Variants in IFNG-AS1 observed in about 807,000 individuals in gnomAD.
The protein encoded by IFNG-AS1 is IFNG regulatory antisense RNA 1.
At chr12:68,007,702 A>G (rs571483894) in intron 3 of IFNG-AS1, among the ~76,000 whole-genome samples, 16 of 152,350 alleles carry the variant, frequency 1.1e-4, no homozygotes, top group African/African-American at 3.8e-4. Flanking sequence ...GGAATTGCAC[A>G]ATGCAAAACC....
chr12:68,003,637 G>C (rs1446307179), intron 2 of IFNG-AS1, among the ~76,000 whole-genome samples: 1 of 152,054 alleles, frequency 6.6e-6, no homozygotes, highest in African/African-American at 2.4e-5. Context: ...GTATTAGGCC[G>C]GGCGTGGTGG....
intron 3 of IFNG-AS1, among the ~76,000 whole-genome samples, chr12:68,015,295 C>T (rs535794224): frequency 6.6e-6 from 1 of 152,276 alleles, no homozygotes; most frequent in South Asian, 2.1e-4. Flanking sequence ...TCACATGCTT[C>T]TCCATAATAA....
intron 3 of IFNG-AS1, among the ~76,000 whole-genome samples, chr12:68,009,713 A>C (rs1054014162): frequency 6.6e-6 from 1 of 152,166 alleles, no homozygotes; most frequent in African/African-American, 2.4e-5. Context: ...GTTCCTGGGC[A>C]ACTGGGCAGC....
chr12:68,021,096 C>G (rs1880277421), intron 4 of IFNG-AS1: 1 of 152,104 alleles, frequency 6.6e-6, no homozygotes, highest in Admixed American at 6.6e-5. Context: ...TACTGATCAT[C>G]CTCAGCAATC....
intron 2 of IFNG-AS1, among the ~76,000 whole-genome samples, chr12:68,000,449 C>T (rs1879741975): frequency 6.6e-6 from 1 of 152,090 alleles, no homozygotes; most frequent in African/African-American, 2.4e-5. Flanking sequence ...TGGAGAATAG[C>T]TTGAGGCCAG....
chr12:68,020,301 G>C (rs144679500), intron 4 of IFNG-AS1: 1 of 152,190 alleles, frequency 6.6e-6, no homozygotes, highest in Non-Finnish European at 1.5e-5. Context: ...AAAGGAAAGT[G>C]TATAATCAGG....
At chr12:67,992,789 G>T (rs1373676794) in intron 1 of IFNG-AS1, among the ~76,000 whole-genome samples, 1 of 152,166 alleles carries the variant, frequency 6.6e-6, no homozygotes, top group Non-Finnish European at 1.5e-5. Flanking sequence ...CTCAAAGCAA[G>T]TGTTGACTTT....
At chr12:68,013,262 C>T (rs186584634) in intron 3 of IFNG-AS1, among the ~76,000 whole-genome samples, 1 of 152,306 alleles carries the variant, frequency 6.6e-6, no homozygotes, top group Admixed American at 6.5e-5. Flanking sequence ...GGAAACAACC[C>T]TAGCCCCACT....
rs1178732030 is a variant in IFNG-AS1 at position 67,993,285 on chromosome 12, A to T, written n.52-2656A>T. Among the ~76,000 whole-genome samples, 4 of 152,224 alleles carry T rather than the reference A, an allele frequency of 2.6e-5. No individual in the cohort carries two copies. In the East Asian group the frequency reaches 7.7e-4, roughly 29 times the overall value. On this transcript the variant is annotated intron_variant and non_coding_transcript_variant, in intron 1 of 5. Transcript: ENST00000536914. ...ATGTACTTTCTTCTTTCACTCGGACAGGATTTAGAAGAGCAATCTGGCATT... is the reference window on the plus strand; with the variant it reads ...ATGTACTTTCTTCTTTCACTCGGACTGGATTTAGAAGAGCAATCTGGCATT...
intron 3 of IFNG-AS1, among the ~76,000 whole-genome samples, chr12:68,008,042 A>G (rs1206108698): frequency 6.6e-6 from 1 of 152,254 alleles, no homozygotes; most frequent in East Asian, 1.9e-4. Context: ...TTAGCTAGGA[A>G]AAGGAAAAAG....
Position 67,990,795 on chromosome 12 carries a change from T to C in IFNG-AS1, n.51+1216T>C, listed in dbSNP as rs4913389. 3.3e-3 allele frequency among the ~76,000 whole-genome samples: 504 copies of C among 152,260 alleles called. 8 individuals are homozygous for C. The highest frequency in any genetic ancestry group is 0.026 in the Admixed American group (400 of 15,294). ...TTTTAGTAGAGATGGGGTTTCCCTA[T>C]GTTGGCCAAGCTGGTCTCAAACTCC... On this transcript the variant is annotated intron_variant and non_coding_transcript_variant, in intron 1 of 5. Coordinates refer to ENST00000536914, the Ensembl canonical transcript of IFNG-AS1.
upstream of IFNG-AS1, chr12:67,989,508 CA>C (rs1389592406): frequency 1.3e-5 from 2 of 152,146 alleles, no homozygotes; most frequent in African/African-American, 4.8e-5. Flanking sequence ...AGAGAAATGC[CA>C]GCAAAAACTG....
chr12:68,017,246 C>A (rs112174954), intron 3 of IFNG-AS1, among the ~76,000 whole-genome samples: 72 of 152,224 alleles, frequency 4.7e-4, no homozygotes, highest in South Asian at 2.5e-3. Context: ...ATGAAATAAA[C>A]CTGTAAATAA....
chr12:68,013,878 G>T (rs1245917542), intron 3 of IFNG-AS1, among the ~76,000 whole-genome samples: 1 of 152,040 alleles, frequency 6.6e-6, no homozygotes, highest in Non-Finnish European at 1.5e-5. Context: ...TGAGATTTTG[G>T]TGCACCCATC....
At chr12:67,990,781 A>T (rs113978873) in intron 1 of IFNG-AS1, among the ~76,000 whole-genome samples, 15 of 151,900 alleles carry the variant, frequency 9.9e-5, no homozygotes, top group Non-Finnish European at 1.3e-4. Context: ...TTTAGTAGAG[A>T]TGGGGTTTCC....
intron 1 of IFNG-AS1, among the ~76,000 whole-genome samples, chr12:67,995,162 G>C (rs371031894): frequency 6.6e-6 from 1 of 151,976 alleles, no homozygotes; most frequent in Admixed American, 6.5e-5. Context: ...GGTGGCTCAC[G>C]TCTGTAATCC....
At chr12:68,000,296 T>C (rs190933024) in intron 2 of IFNG-AS1, among the ~76,000 whole-genome samples, 2 of 152,344 alleles carry the variant, frequency 1.3e-5, no homozygotes, top group Admixed American at 1.3e-4. Flanking sequence ...AAAACATTTC[T>C]ACCTATGATT....
intron 3 of IFNG-AS1, among the ~76,000 whole-genome samples, chr12:68,011,800 T>C (rs999456291): frequency 1.3e-5 from 2 of 152,246 alleles, no homozygotes; most frequent in South Asian, 2.1e-4. Context: ...CAGCCCAACC[T>C]TACGGGAGCC....
At chr12:68,004,094 G>C (rs1204433449) in intron 2 of IFNG-AS1, among the ~76,000 whole-genome samples, 1 of 151,936 alleles carries the variant, frequency 6.6e-6, no homozygotes, top group Non-Finnish European at 1.5e-5. Context: ...AGTGGGCTTG[G>C]GTATGCACCT....
Sources: gnomAD v4.1 joint callset for allele counts (sites outside exome capture counted in the v4.1 genomes callset) on GRCh38, gnomAD v4.1.1 for gene constraint, MANE v1.5 for transcripts, NCBI Gene and HGNC (gene_info 2026-07-23, HGNC 2026-07-21) for gene names.